Variants in PARD3B observed in about 807,000 individuals in gnomAD.
PARD3B encodes the protein par-3 family cell polarity regulator beta.
In PARD3B, 103 loss-of-function variants were observed where a neutral mutation model predicts 130.2. The ratio of observed to expected loss-of-function variants is 0.79; its 90% confidence interval spans 0.67 to 0.93. PARD3B has a LOEUF of 0.93. Ranked by LOEUF, PARD3B falls within the 40% of genes least tolerant of loss-of-function variation. PARD3B has a pLI of 0.00. For synonymous variants in PARD3B, 583 were observed against 553.2 expected (o/e 1.05, Z -0.76); for missense variants, 1,609 against 1,499.2 (o/e 1.07, Z -1.21).
At chr2:204,959,338 A>G (rs1269275954) in intron 2 of PARD3B, among the ~76,000 whole-genome samples, 1 of 152,178 alleles carries the variant, frequency 6.6e-6, no homozygotes, top group East Asian at 1.9e-4. Flanking sequence ...ACAGTATTCC[A>G]TTGTGTATAT....
intron 15 of PARD3B, among the ~76,000 whole-genome samples, chr2:205,205,473 C>T (rs1333495837): frequency 1.3e-5 from 2 of 152,088 alleles, no homozygotes; most frequent in East Asian, 1.9e-4. Flanking sequence ...CCAGAACTTC[C>T]AATACTATGT....
rs751945137 is a variant in PARD3B, at chr2:204,965,136, T to C, written c.223-16T>C. ...ATGTCCTACAAAGTAATTAGTGTTG[T>C]TGGATTTGTTTGTAGCTGATTGCTG... On this transcript the variant is annotated splice_polypyrimidine_tract_variant and intron_variant, in intron 2 of 22. Coordinates refer to ENST00000406610, the MANE Select transcript of PARD3B (RefSeq NM_001302769.2). The C allele has an allele frequency of 6.8e-6, 11 of 1,610,946 alleles. No homozygotes were observed. Among genetic ancestry groups the C allele is most frequent in the Non-Finnish European group, 9.3e-6 (11 of 1,177,920 alleles).
At chr2:204,688,962 C>G (rs1178009388) in intron 2 of PARD3B, among the ~76,000 whole-genome samples, 1 of 152,176 alleles carries the variant, frequency 6.6e-6, no homozygotes, top group Non-Finnish European at 1.5e-5. Context: ...AGGAAAGACT[C>G]TCACTCCAGG....
intron 2 of PARD3B, among the ~76,000 whole-genome samples, chr2:204,931,565 C>T (rs898477098): frequency 1.8e-4 from 27 of 150,516 alleles, no homozygotes; most frequent in Middle Eastern, 6.8e-3. Context: ...GTATAATTTA[C>T]TTTGAAGTAT....
intron 10 of PARD3B, among the ~76,000 whole-genome samples, chr2:205,143,285 G>T (rs1332702448): frequency 2.6e-5 from 4 of 152,118 alleles, no homozygotes; most frequent in South Asian, 2.1e-4. Context: ...GTGGTGCTTC[G>T]ATGAGTCTTT....
intron 3 of PARD3B, among the ~76,000 whole-genome samples, chr2:204,996,205 T>G (rs1451612488): frequency 1.5e-5 from 2 of 130,856 alleles, no homozygotes; most frequent in Non-Finnish European, 3.2e-5. Flanking sequence ...TCCCCATCTT[T>G]GTGGTTTTAT....
intron 22 of PARD3B, among the ~76,000 whole-genome samples, chr2:205,581,382 TATAA>T (rs1339267623): frequency 1.5e-4 from 12 of 80,022 alleles, no homozygotes; most frequent in East Asian, 6.2e-4. Flanking sequence ...TGTATGTATA[TATAA>T]ATATATATAA....
At chr2:205,338,125 C>A (rs565941063) in intron 18 of PARD3B, among the ~76,000 whole-genome samples, 1 of 140,904 alleles carries the variant, frequency 7.1e-6, no homozygotes, top group South Asian at 2.2e-4. Flanking sequence ...TGCTCTCCAG[C>A]CTGGGCAACA....
At chr2:205,173,000 AT>A (rs2035261982) in intron 12 of PARD3B, among the ~76,000 whole-genome samples, 1 of 152,134 alleles carries the variant, frequency 6.6e-6, no homozygotes, top group African/African-American at 2.4e-5. Context: ...ACATATAAAC[AT>A]AAAAATACCT....
intron 2 of PARD3B, among the ~76,000 whole-genome samples, chr2:204,897,689 T>C (rs947042259): frequency 2.0e-5 from 3 of 152,094 alleles, no homozygotes; most frequent in Non-Finnish European, 4.4e-5. Context: ...GTTAAAATTC[T>C]CATGTTTGAT....
intron 1 of PARD3B, among the ~76,000 whole-genome samples, chr2:204,672,074 A>G (rs1286768602): frequency 6.6e-6 from 1 of 152,152 alleles, no homozygotes; most frequent in Non-Finnish European, 1.5e-5. Context: ...CACTGTATTT[A>G]TAACTTAGTA....
chr2:205,587,611 A>G (rs1163708025), intron 22 of PARD3B, among the ~76,000 whole-genome samples: 1 of 152,044 alleles, frequency 6.6e-6, no homozygotes, highest in African/African-American at 2.4e-5. Flanking sequence ...CCTTTCCCTA[A>G]TGTAGGTAGA....
At chr2:205,304,209 T>A (rs2042109436) in intron 18 of PARD3B, among the ~76,000 whole-genome samples, 3 of 152,188 alleles carry the variant, frequency 2.0e-5, no homozygotes, top group Admixed American at 6.6e-5. Flanking sequence ...TAAGCAAGGT[T>A]CCTCATGCTC....
chr2:205,364,984 G>A (rs1356142565), intron 18 of PARD3B, among the ~76,000 whole-genome samples: 3 of 151,980 alleles, frequency 2.0e-5, no homozygotes, highest in Non-Finnish European at 2.9e-5. Flanking sequence ...AGTAGATCAC[G>A]AGGTCAGGAG....
intron 22 of PARD3B, among the ~76,000 whole-genome samples, chr2:205,600,194 A>G (rs1384789448): frequency 6.6e-6 from 1 of 152,234 alleles, no homozygotes; most frequent in Non-Finnish European, 1.5e-5. Context: ...AGCCATGAAT[A>G]GCTAAGAGAA....
intron 2 of PARD3B, among the ~76,000 whole-genome samples, chr2:204,958,758 C>A (rs1228787364): frequency 6.6e-6 from 1 of 152,104 alleles, no homozygotes; most frequent in Non-Finnish European, 1.5e-5. Flanking sequence ...CTACCCTATT[C>A]CTTCTCACCC....
intron 15 of PARD3B, among the ~76,000 whole-genome samples, chr2:205,242,552 G>A (rs193065226): frequency 2.6e-4 from 40 of 152,214 alleles, no homozygotes; most frequent in African/African-American, 8.9e-4. Flanking sequence ...TTGCTAGGTC[G>A]TATCTTTTGT....
chr2:204,916,779 A>G (rs766324793), intron 2 of PARD3B, among the ~76,000 whole-genome samples: 8 of 152,246 alleles, frequency 5.3e-5, no homozygotes, highest in African/African-American at 1.4e-4. Flanking sequence ...GACCATTTAC[A>G]TAAATAATCC....
At chr2:204,750,945 A>G (rs2040442834) in intron 2 of PARD3B, among the ~76,000 whole-genome samples, 1 of 152,142 alleles carries the variant, frequency 6.6e-6, no homozygotes, top group African/African-American at 2.4e-5. Context: ...ATAGATGAAC[A>G]CTCAGTACAT....
Sources: allele counts gnomAD v4.1 joint callset (sites outside exome capture counted in the v4.1 genomes callset), GRCh38; gene constraint gnomAD v4.1.1; transcripts MANE v1.5; gene names NCBI Gene and HGNC (gene_info 2026-07-23, HGNC 2026-07-21).